Variants in STARD3NL observed in about 807,000 individuals in gnomAD.
STARD3NL encodes STARD3 N-terminal-like protein.
STARD3NL carries 17 observed loss-of-function variants against 30.9 expected under a neutral mutation model. The ratio of observed to expected loss-of-function variants is 0.55; its 90% CI spans 0.38 to 0.82. STARD3NL has a LOEUF of 0.82. Ranked by LOEUF, STARD3NL falls within the 40% of genes least tolerant of loss-of-function variation. The probability of loss-of-function intolerance (pLI) is 0.00; values close to 1 mark genes in which losing one functional copy is unlikely to be tolerated. For synonymous variants in STARD3NL, 112 were observed against 100.5 expected, an observed-to-expected ratio of 1.11 and a Z score of -0.69; for missense variants, 234 against 277.6, an observed-to-expected ratio of 0.84 and a Z score of 1.12.
intron 1 of STARD3NL, among the ~76,000 whole-genome samples, chr7:38,190,919 A>C (rs1784661809): frequency 6.6e-6 from 1 of 152,150 alleles, no homozygotes; most frequent in South Asian, 2.1e-4. Context: ...ATTTATCACA[A>C]TTGATGTTAT....
intron 1 of STARD3NL, among the ~76,000 whole-genome samples, chr7:38,190,406 G>A (rs1232090009): frequency 6.6e-6 from 1 of 152,176 alleles, no homozygotes; most frequent in Non-Finnish European, 1.5e-5. Context: ...TATGCTACAT[G>A]TGTGTATGTA....
At chr7:38,188,807 A>G (rs1249921084) in intron 1 of STARD3NL, among the ~76,000 whole-genome samples, 2 of 152,230 alleles carry the variant, frequency 1.3e-5, no homozygotes, top group Non-Finnish European at 1.5e-5. Context: ...AAAGTTTAGT[A>G]ATATTTTTAA....
chr7:38,210,119 C>G (rs962970592), intron 2 of STARD3NL, among the ~76,000 whole-genome samples: 13 of 152,146 alleles, frequency 8.5e-5, no homozygotes, highest in African/African-American at 3.1e-4. Flanking sequence ...TTTGTTGTCT[C>G]TCTGTAACTC....
chr7:38,209,499 T>C (rs1785673584), intron 2 of STARD3NL, among the ~76,000 whole-genome samples: 1 of 152,172 alleles, frequency 6.6e-6, no homozygotes, highest in African/African-American at 2.4e-5. Context: ...TTGGCCACAC[T>C]GTTCTCTATC....
chr7:38,179,195 T>C (rs1216772591), intron 1 of STARD3NL: 1 of 152,232 alleles, frequency 6.6e-6, no homozygotes, highest in Non-Finnish European at 1.5e-5. Flanking sequence ...TAGTCCAGTT[T>C]GCCACATTTC....
chr7:38,201,763 A>C (rs578012088), intron 1 of STARD3NL: 1 of 150,930 alleles, frequency 6.6e-6, no homozygotes, highest in South Asian at 2.1e-4. Flanking sequence ...ATCTCAGCTC[A>C]CTGGAGCGTC....
intron 2 of STARD3NL, among the ~76,000 whole-genome samples, chr7:38,211,883 A>G (rs929613808): frequency 2.6e-5 from 4 of 152,202 alleles, no homozygotes; most frequent in African/African-American, 9.7e-5. Flanking sequence ...TCTAAAAGTA[A>G]GTCCTGTCAA....
At chr7:38,198,414 G>C (rs1407145214) in intron 1 of STARD3NL, 2 of 152,208 alleles carry the variant, frequency 1.3e-5, no homozygotes, top group Non-Finnish European at 2.9e-5. Context: ...CTTTTCAAGA[G>C]AAGCTGGAAA....
rs1037447109 is a variant in STARD3NL, at chr7:38,184,517, G to A, written c.-59+6097G>A. ...AAGAGCGGGAGCAAGAGAGAGAAGGGAGATGCCACACATTTTTAAACAAGC... is the reference window on the plus strand; with the variant it reads ...AAGAGCGGGAGCAAGAGAGAGAAGGAAGATGCCACACATTTTTAAACAAGC... On this transcript the variant is annotated intron_variant, in intron 1 of 8. Transcript: ENST00000009041. 7.9e-5 allele frequency among the ~76,000 whole-genome samples: 12 copies of A among 151,396 alleles called. 1 individual carries two copies. Among genetic ancestry groups the A allele is most frequent in the Admixed American group, 2.6e-4 (4 of 15,190 alleles).
chr7:38,224,534 T>G (rs183405493), intron 7 of STARD3NL, among the ~76,000 whole-genome samples: 251 of 152,300 alleles, frequency 1.6e-3, no homozygotes, highest in African/African-American at 5.5e-3. Flanking sequence ...TTTTTAATTG[T>G]GTGCCGTTCT....
intron 1 of STARD3NL, among the ~76,000 whole-genome samples, chr7:38,204,755 G>A (rs1785363497): frequency 6.6e-6 from 1 of 151,810 alleles, no homozygotes; most frequent in Admixed American, 6.6e-5. Context: ...TAATAAAGAA[G>A]AAAAGAGAGA....
intron 2 of STARD3NL, among the ~76,000 whole-genome samples, chr7:38,212,566 C>G (rs1052002668): frequency 6.6e-6 from 1 of 152,122 alleles, no homozygotes; most frequent in African/African-American, 2.4e-5. Context: ...ATATTTAGAA[C>G]AGTGCCTGGT....
At chr7:38,211,576 T>TA (rs1181746700) in intron 2 of STARD3NL, among the ~76,000 whole-genome samples, 1 of 152,152 alleles carries the variant, frequency 6.6e-6, no homozygotes, top group African/African-American at 2.4e-5. Context: ...GCTAGATTAT[T>TA]CAAGTTATTA....
chr7:38,188,884 T>C (rs1376675527), intron 1 of STARD3NL, among the ~76,000 whole-genome samples: 1 of 152,254 alleles, frequency 6.6e-6, no homozygotes, highest in Non-Finnish European at 1.5e-5. Flanking sequence ...GTTCGGGAGA[T>C]AAATTAATGT....
At chr7:38,182,981 A>G (rs1784310597) in intron 1 of STARD3NL, among the ~76,000 whole-genome samples, 1 of 152,186 alleles carries the variant, frequency 6.6e-6, no homozygotes, top group Admixed American at 6.5e-5. Context: ...AATACTGTGC[A>G]TTATTGCTCA....
In STARD3NL at chr7:38,228,679, T is replaced by C; in HGVS notation, c.650-120T>C. ...CAGTTAACCTAAATCTCTTGAGGAT[T>C]AAACATATGTTTAATGTTTTTATGT... On this transcript the variant is annotated intron_variant, in intron 7 of 8. Transcript: ENST00000009041. 9.4e-6 allele frequency: 7 copies of C among 744,664 alleles called. No individual in the cohort carries two copies. The South Asian group carries it at 1.6e-4, about 17-fold the overall frequency. The allele number at this position is 744,664 out of a possible 1,614,324, so 46.1% of individuals were successfully genotyped here. A position where few individuals can be genotyped will look rare whatever the true frequency, so the allele number is the denominator to read the frequency against.
intron 1 of STARD3NL, among the ~76,000 whole-genome samples, chr7:38,186,663 A>G (rs1192395912): frequency 5.3e-5 from 8 of 152,216 alleles, no homozygotes; most frequent in African/African-American, 7.2e-5. Context: ...AGTTGCTTAT[A>G]GTATTCAGCA....
At chr7:38,216,896 G>A in intron 4 of STARD3NL, 129 bp from the exon 5 acceptor site, 1 of 1,059,974 alleles carries the variant, frequency 9.4e-7, no homozygotes, top group Non-Finnish European at 1.4e-6. Flanking sequence ...ATATGGGAAG[G>A]AGCCAGGCTA....
At chr7:38,223,043 C>T (rs1194160888) in intron 7 of STARD3NL, among the ~76,000 whole-genome samples, 1 of 152,190 alleles carries the variant, frequency 6.6e-6, no homozygotes, top group Admixed American at 6.5e-5. Flanking sequence ...ATGAGGGCGT[C>T]CGAAAAAGGC....
Sources: allele counts gnomAD v4.1 joint callset (sites outside exome capture counted in the v4.1 genomes callset), GRCh38; gene constraint gnomAD v4.1.1; transcripts MANE v1.5; gene names NCBI Gene and HGNC (gene_info 2026-07-23, HGNC 2026-07-21).